Variants in SUGCT observed in about 807,000 individuals in gnomAD.
The protein encoded by SUGCT is succinyl-CoA:glutarate-CoA transferase.
In SUGCT, 41 loss-of-function variants were observed where a neutral mutation model predicts 55.0. That is an observed-to-expected ratio of 0.74 (90% CI 0.58 to 0.97). SUGCT has a LOEUF of 0.97. Ranked by LOEUF, SUGCT falls within the 50% of genes least tolerant of loss-of-function variation. The pLI is 0.00. For synonymous variants in SUGCT, 187 were observed against 200.4 expected (o/e 0.93, Z 0.56); for missense variants, 568 against 547.8 (o/e 1.04, Z -0.37).
At chr7:40,522,402 G>A (rs1377767444) in intron 12 of SUGCT, among the ~76,000 whole-genome samples, 2 of 152,070 alleles carry the variant, frequency 1.3e-5, no homozygotes, top group Non-Finnish European at 2.9e-5. Flanking sequence ...CCCAGCCATA[G>A]GGGTGATAAC....
chr7:40,963,680 C>T, the SUGCT span, among the ~76,000 whole-genome samples: 2 of 152,066 alleles, frequency 1.3e-5, no homozygotes, highest in African/African-American at 4.8e-5. Flanking sequence ...TTACATATAT[C>T]GATAATCCTA....
chr7:40,325,778 C>A (rs1340139936), intron 9 of SUGCT, among the ~76,000 whole-genome samples: 1 of 152,118 alleles, frequency 6.6e-6, no homozygotes, highest in African/African-American at 2.4e-5. Flanking sequence ...TGCACTCCAG[C>A]CTGGGCGACG....
chr7:40,816,965 G>A (rs530280391), intron 13 of SUGCT, among the ~76,000 whole-genome samples: 14 of 152,330 alleles, frequency 9.2e-5, no homozygotes, highest in African/African-American at 3.4e-4. Flanking sequence ...AGTATAAGAA[G>A]ATGATGAGAA....
the SUGCT span, among the ~76,000 whole-genome samples, chr7:40,898,873 G>C: frequency 6.6e-6 from 1 of 152,030 alleles, no homozygotes; most frequent in African/African-American, 2.4e-5. Flanking sequence ...ATAGTTCCTA[G>C]ATCAGGGACA....
At chr7:40,715,320 C>T (rs1029233123) in intron 12 of SUGCT, among the ~76,000 whole-genome samples, 21 of 152,052 alleles carry the variant, frequency 1.4e-4, no homozygotes, top group African/African-American at 4.8e-4. Flanking sequence ...CTCATCTATA[C>T]AATTGCAGAA....
intron 9 of SUGCT, among the ~76,000 whole-genome samples, chr7:40,376,123 G>A (rs144850199): frequency 2.4e-4 from 36 of 152,186 alleles, no homozygotes; most frequent in African/African-American, 8.4e-4. Context: ...AAAAGTTATA[G>A]GATTAGTATA....
At chr7:41,036,285 G>A in the SUGCT span, among the ~76,000 whole-genome samples, 2 of 152,180 alleles carry the variant, frequency 1.3e-5, no homozygotes, top group East Asian at 3.9e-4. Flanking sequence ...GGCACCTTTC[G>A]AGAAAATTTT....
chr7:40,984,451 G>A, the SUGCT span, among the ~76,000 whole-genome samples: 6 of 152,114 alleles, frequency 3.9e-5, no homozygotes, highest in Admixed American at 1.3e-4. Flanking sequence ...TACAGGTGAT[G>A]AAGCCAGACT....
the SUGCT span, among the ~76,000 whole-genome samples, chr7:41,008,859 C>G: frequency 6.6e-6 from 1 of 152,004 alleles, no homozygotes. Flanking sequence ...CTCCTGCTGC[C>G]TCGTGGTCAC....
intron 8 of SUGCT, among the ~76,000 whole-genome samples, chr7:40,303,745 A>G (rs536490909): frequency 3.3e-5 from 5 of 152,270 alleles, no homozygotes; most frequent in African/African-American, 4.8e-5. Context: ...GAATGCCTAC[A>G]TGCATTATAT....
chr7:40,190,541 G>A lies in SUGCT; in HGVS notation c.363+947G>A, dbSNP rs141033929. On this transcript the variant is annotated intron_variant, in intron 5 of 13. Transcript: ENST00000335693. ...GGGATTTACAGGTGTGAGCCACCGC[G>A]CCCAGCCCAATAGTACCTACTCTCT... Among the ~76,000 whole-genome samples the A allele has an allele frequency of 1.1e-4, 16 of 152,224 alleles. No homozygotes were observed. In the East Asian group the frequency reaches 1.4e-3, roughly 13 times the overall value.
chr7:40,834,300 G>A (rs932712545), intron 13 of SUGCT, among the ~76,000 whole-genome samples: 2 of 152,060 alleles, frequency 1.3e-5, no homozygotes, highest in Non-Finnish European at 2.9e-5. Flanking sequence ...ACATACGCTT[G>A]GACCCCATTA....
intron 13 of SUGCT, among the ~76,000 whole-genome samples, chr7:40,769,106 A>C (rs116668644): frequency 1.4e-3 from 217 of 152,230 alleles, no homozygotes; most frequent in African/African-American, 5.1e-3. Context: ...AGTAAAAAAA[A>C]ACAAGGGGGA....
intron 13 of SUGCT, among the ~76,000 whole-genome samples, chr7:40,832,369 C>T (rs1792719871): frequency 6.6e-6 from 1 of 152,086 alleles, no homozygotes; most frequent in Admixed American, 6.5e-5. Context: ...GTTGTGAAAA[C>T]ACTGTGTCCC....
At chr7:40,949,559 G>C in the SUGCT span, among the ~76,000 whole-genome samples, 1 of 152,120 alleles carries the variant, frequency 6.6e-6, no homozygotes. Context: ...GTATTGCCTA[G>C]GTTTTCTTCT....
the SUGCT span, among the ~76,000 whole-genome samples, chr7:41,013,652 T>A: frequency 6.6e-6 from 1 of 152,182 alleles, no homozygotes; most frequent in African/African-American, 2.4e-5. Flanking sequence ...GTGGCTGTAG[T>A]GAATGGGCTG....
intron 6 of SUGCT, among the ~76,000 whole-genome samples, chr7:40,210,903 A>C (rs1466912957): frequency 6.6e-6 from 1 of 152,166 alleles, no homozygotes; most frequent in Non-Finnish European, 1.5e-5. Flanking sequence ...TGGTGTAGGT[A>C]ATCCAAAAAG....
intron 9 of SUGCT, among the ~76,000 whole-genome samples, chr7:40,438,369 C>T (rs191123711): frequency 2.3e-4 from 35 of 152,226 alleles, no homozygotes; most frequent in African/African-American, 7.7e-4. Context: ...TTAGTTTTGT[C>T]GTGTCATCAA....
the SUGCT span, among the ~76,000 whole-genome samples, chr7:40,867,072 A>G: frequency 5.3e-5 from 8 of 151,506 alleles, no homozygotes; most frequent in South Asian, 1.7e-3. Flanking sequence ...AATTTCCTGA[A>G]CAAAGTGGAA....
Sources: gnomAD v4.1 joint callset for allele counts (sites outside exome capture counted in the v4.1 genomes callset) on GRCh38, gnomAD v4.1.1 for gene constraint, MANE v1.5 for transcripts, NCBI Gene and HGNC (gene_info 2026-07-23, HGNC 2026-07-21) for gene names.